Variants in DERA observed in about 807,000 individuals in gnomAD.
DERA encodes deoxyribose-phosphate aldolase.
A neutral mutation model predicts 41.1 loss-of-function variants in DERA; 15 were observed. That is an observed-to-expected ratio of 0.37 (90% CI 0.24 to 0.56). The LOEUF (loss-of-function observed/expected upper bound fraction) is 0.56, where lower values mean the gene tolerates loss of function less well. DERA is among the 20% of genes least tolerant of loss of function. DERA has a pLI of 0.81. For missense variants in DERA, 396 were observed against 403.4 expected (o/e 0.98, Z 0.16); for synonymous variants, 139 against 137.4 (o/e 1.01, Z -0.08).
chr12:15,976,771 G>A lies in DERA; in HGVS notation c.509-5537G>A, dbSNP rs1435534689. On this transcript the variant is annotated intron_variant, in intron 5 of 8. Coordinates refer to ENST00000428559, the MANE Select transcript of DERA (RefSeq NM_015954.4). This position sits in a 1 kb window ranked among gnomAD's most constrained non-coding sequence, Gnocchi z 4.1. Reference sequence around the variant, plus strand: ...TTGGCAGAATTTGAGAAGGGTTTGAGCTGTAAAAATAAAGCTCTCCTATCT... The same window carrying A: ...TTGGCAGAATTTGAGAAGGGTTTGAACTGTAAAAATAAAGCTCTCCTATCT... Among the ~76,000 whole-genome samples the A allele has an allele frequency of 6.6e-6, 1 of 152,158 alleles. No homozygotes were observed. The highest frequency in any genetic ancestry group is 1.5e-5 in the Non-Finnish European group (1 of 68,030).
intron 1 of DERA, among the ~76,000 whole-genome samples, chr12:15,920,023 AGAGG>A (rs1400069067): frequency 2.0e-5 from 3 of 151,134 alleles, no homozygotes; most frequent in East Asian, 1.9e-4. Flanking sequence ...AAAGAGAGAG[AGAGG>A]GAGGGAGGGA....
chr12:15,976,035 C>T lies in DERA; in HGVS notation c.509-6273C>T, dbSNP rs1041901105. 6.6e-6 allele frequency among the ~76,000 whole-genome samples: 1 copy of T among 152,190 alleles called. No individual in the cohort carries two copies. Among genetic ancestry groups the T allele is most frequent in the African/African-American group, 2.4e-5 (1 of 41,440 alleles). On this transcript the variant is annotated intron_variant, in intron 5 of 8. Coordinates refer to ENST00000428559, the MANE Select transcript of DERA (RefSeq NM_015954.4). This position sits in a 1 kb window ranked among gnomAD's most constrained non-coding sequence, Gnocchi z 4.1. ...TGAACGTACACATATACACAGCACACACATAGAAACACACATTCATTTTTA... is the reference window on the plus strand; with the variant it reads ...TGAACGTACACATATACACAGCACATACATAGAAACACACATTCATTTTTA...
At position 15,915,958 on chromosome 12, in the gene DERA, G is replaced by GTC; in HGVS notation, c.31+4545_31+4546dup. 6.6e-6 allele frequency among the ~76,000 whole-genome samples: 1 copy of GTC among 152,318 alleles called. No homozygotes were observed. The highest frequency in any genetic ancestry group is 1.5e-5 in the Non-Finnish European group (1 of 68,038). ...CTACATGCTTAAACAACCACACTGT[G>GTC]TCGACTGGTGCTAACTGGGAGCACT... On this transcript the variant is annotated intron_variant, in intron 1 of 8. Transcript: ENST00000428559. This position sits in a 1 kb window ranked among gnomAD's most constrained non-coding sequence, Gnocchi z 4.8.
At chr12:15,960,887 G>C (rs561220144) in intron 4 of DERA, among the ~76,000 whole-genome samples, 1 of 152,152 alleles carries the variant, frequency 6.6e-6, no homozygotes, top group Non-Finnish European at 1.5e-5. Context: ...AACTGGAAAA[G>C]GTTTGCTGTT....
rs7310946 is a variant in DERA at position 15,985,853 on chromosome 12, G to T, written c.637+3417G>T. Among the ~76,000 whole-genome samples, 1 of 151,942 alleles carries T rather than the reference G, an allele frequency of 6.6e-6. No individual in the cohort carries two copies. On this transcript the variant is annotated intron_variant, in intron 6 of 8. Coordinates refer to ENST00000428559, the MANE Select transcript of DERA (RefSeq NM_015954.4). The surrounding 1 kb of genome is among the most constrained non-coding windows in gnomAD (Gnocchi z 4.2). ...AAAAGAATGTGTATTTCAGATGTTAGAGCAAATGTCAGATCGAATTGGTTG... is the reference window on the plus strand; with the variant it reads ...AAAAGAATGTGTATTTCAGATGTTATAGCAAATGTCAGATCGAATTGGTTG...
intron 7 of DERA, among the ~76,000 whole-genome samples, chr12:16,033,221 A>C (rs921562497): frequency 1.3e-5 from 2 of 152,368 alleles, no homozygotes; most frequent in Non-Finnish European, 2.9e-5. Flanking sequence ...TAATAATATG[A>C]GGTGAAGAGA....
chr12:15,911,361 G>A lies in DERA; in HGVS notation c.-23G>A. ...CGCAGAGGCGGGCGCCTACCAGCCG[G>A]CAGCTCCGGAGCTGCCCGCGCCATG... On this transcript the variant is annotated 5_prime_UTR_variant, in exon 1 of 9. Coordinates refer to ENST00000428559, the MANE Select transcript of DERA (RefSeq NM_015954.4). This position sits in a 1 kb window ranked among gnomAD's most constrained non-coding sequence, Gnocchi z 4.5. 2 of 1,423,354 alleles carry A rather than the reference G, an allele frequency of 1.4e-6. No homozygotes were observed. Among genetic ancestry groups the A allele is most frequent in the Non-Finnish European group, 1.8e-6 (2 of 1,099,838 alleles). The allele number at this position is 1,423,354 out of a possible 1,614,324, so 88.2% of individuals were successfully genotyped here. A position where few individuals can be genotyped will look rare whatever the true frequency, so the allele number is the denominator to read the frequency against.
At chr12:16,007,175 G>GTTTTTTTTTTTTTTTTTTT (rs760931310) in intron 6 of DERA, among the ~76,000 whole-genome samples, 1 of 129,204 alleles carries the variant, frequency 7.7e-6, no homozygotes, top group Non-Finnish European at 1.7e-5. Flanking sequence ...GGGTTTTTTT[G>GTTTTTTTTTTTTTTTTTTT]TTTTTTTTTT....
rs1039589100 is a variant in DERA, at chr12:15,957,553, T to G, written c.129+520T>G. ...CTTCAGTGTATCCCAACCAAAGACG[T>G]GCTGTGTAGGATTAAAGGGAATTCA... is the stretch of plus-strand genomic sequence containing the variant. On this transcript the variant is annotated intron_variant, in intron 2 of 8. Coordinates refer to ENST00000428559, the MANE Select transcript of DERA (RefSeq NM_015954.4). The surrounding 1 kb of genome is among the most constrained non-coding windows in gnomAD (Gnocchi z 4.8). 6.6e-6 allele frequency among the ~76,000 whole-genome samples: 1 copy of G among 152,176 alleles called. No individual in the cohort carries two copies. Among genetic ancestry groups the G allele is most frequent in the African/African-American group, 2.4e-5 (1 of 41,438 alleles).
Position 15,999,715 on chromosome 12 carries a change from G to A in DERA, c.637+17279G>A, listed in dbSNP as rs576403469. Among the ~76,000 whole-genome samples the A allele has an allele frequency of 9.2e-5, 14 of 152,276 alleles. No individual in the cohort carries two copies. The East Asian group carries it at 1.4e-3, about 15-fold the overall frequency. ...GCTAAGGAATTGAAGTTTCGTGTTT[G>A]GGGGTACAGGAAATTTTTAGCCTGA... On this transcript the variant is annotated intron_variant, in intron 6 of 8. Coordinates refer to ENST00000428559, the MANE Select transcript of DERA (RefSeq NM_015954.4). The surrounding 1 kb of genome is among the most constrained non-coding windows in gnomAD (Gnocchi z 5.3).
chr12:15,942,433 A>G (rs1286948456), intron 1 of DERA, among the ~76,000 whole-genome samples: 1 of 152,064 alleles, frequency 6.6e-6, no homozygotes, highest in Non-Finnish European at 1.5e-5. Context: ...TGAATTGTTT[A>G]CTTAAGCTAA....
At chr12:15,917,659 T>G (rs544193583) in intron 1 of DERA, among the ~76,000 whole-genome samples, 2 of 152,304 alleles carry the variant, frequency 1.3e-5, no homozygotes, top group South Asian at 4.1e-4. Flanking sequence ...ATTACAAGTT[T>G]TTTACCCTTT....
At chr12:16,029,992 G>A (rs1949081047) in intron 6 of DERA, among the ~76,000 whole-genome samples, 1 of 124,032 alleles carries the variant, frequency 8.1e-6, no homozygotes, top group Non-Finnish European at 1.6e-5. Context: ...GCACAATCTC[G>A]GCTCACTGCA....
intron 5 of DERA, chr12:15,971,842 CA>C: frequency 3.6e-6 from 1 of 278,468 alleles, no homozygotes. Context: ...AAAGATAATT[CA>C]GGAACCATTG....
chr12:15,912,713 G>T (rs112061631), intron 1 of DERA, among the ~76,000 whole-genome samples: 2,106 of 152,260 alleles, frequency 0.014, 50 homozygotes, highest in African/African-American at 0.047. Context: ...CTAATTTTGA[G>T]AAAATTGGCT....
chr12:15,961,928 G>C (rs1948591052), intron 4 of DERA, among the ~76,000 whole-genome samples: 1 of 152,166 alleles, frequency 6.6e-6, no homozygotes, highest in Non-Finnish European at 1.5e-5. Context: ...ACTTTTAGTA[G>C]AGATGGGGTT....
At chr12:16,016,716 C>T (rs942286753) in intron 6 of DERA, among the ~76,000 whole-genome samples, 1 of 141,306 alleles carries the variant, frequency 7.1e-6, no homozygotes. Flanking sequence ...CTCTTGAACC[C>T]AGGAGGTCAA....
rs1045874480 is a variant in DERA, at chr12:15,999,099, G to A, written c.637+16663G>A. 6.6e-6 allele frequency among the ~76,000 whole-genome samples: 1 copy of A among 152,170 alleles called. No individual in the cohort carries two copies. The highest frequency in any genetic ancestry group is 1.5e-5 in the Non-Finnish European group (1 of 68,028). On this transcript the variant is annotated intron_variant, in intron 6 of 8. Coordinates refer to ENST00000428559, the MANE Select transcript of DERA (RefSeq NM_015954.4). This position sits in a 1 kb window ranked among gnomAD's most constrained non-coding sequence, Gnocchi z 5.3. ...GAATGGGAGGAAATGAGGGATGGAG[G>A]GTTGGTGAGGGCTGGAGGGAAGACT...
rs1334202108 is a variant in DERA, at chr12:16,000,890, C to T, written c.637+18454C>T. 1.3e-5 allele frequency among the ~76,000 whole-genome samples: 2 copies of T among 152,070 alleles called. No homozygotes were observed. The highest frequency in any genetic ancestry group is 2.9e-5 in the Non-Finnish European group (2 of 68,024). On this transcript the variant is annotated intron_variant, in intron 6 of 8. Coordinates refer to ENST00000428559, the MANE Select transcript of DERA (RefSeq NM_015954.4). The surrounding 1 kb of genome is among the most constrained non-coding windows in gnomAD (Gnocchi z 4.8). ...AGGATTGTAGAGTAGATAACTTAGA[C>T]AATTAAAAAGCAGGTTTTGTTCTGC...
Sources: allele counts gnomAD v4.1 joint callset (sites outside exome capture counted in the v4.1 genomes callset), GRCh38; gene constraint gnomAD v4.1.1; non-coding constraint Gnocchi (gnomAD v3.1); transcripts MANE v1.5; gene names NCBI Gene and HGNC (gene_info 2026-07-23, HGNC 2026-07-21).